NPFF: variants seen among roughly 807,000 people sequenced by gnomAD.
NPFF encodes neuropeptide FF-amide peptide precursor.
Under a neutral mutation model 12.9 loss-of-function variants are expected in NPFF, and 14 were observed. That is an observed-to-expected ratio of 1.09 (90% confidence interval 0.72 to 1.70). The LOEUF is 1.70. NPFF is among the 40% of genes most tolerant of loss of function. The pLI is 0.00. For synonymous variants in NPFF, 56 were observed against 57.3 expected (o/e 0.98, Z 0.10); for missense variants, 140 against 135.7 (o/e 1.03, Z -0.16).
Position 53,506,706 on chromosome 12 carries a change from T to G in NPFF, c.*70A>C. 1 of 1,250,180 alleles carries G rather than the reference T, an allele frequency of 8.0e-7. No homozygotes were observed. Among genetic ancestry groups the G allele is most frequent in the South Asian group, 1.5e-5 (1 of 67,426 alleles). 77.4% of individuals were successfully genotyped at this position (1,250,180 alleles called of 1,614,324 possible). ...ACATGGATTCAGAAGCCAGACAATTTTATTTGGGGGGCAAACATTGACACT... is the reference window on the plus strand; with the variant it reads ...ACATGGATTCAGAAGCCAGACAATTGTATTTGGGGGGCAAACATTGACACT... On this transcript the variant is annotated 3_prime_UTR_variant, in exon 3 of 3. Transcript: ENST00000267017.
chr12:53,507,477 T>C lies in NPFF; in HGVS notation c.-3A>G. 1.2e-6 allele frequency: 2 copies of C among 1,612,504 alleles called. No homozygotes were observed. Among genetic ancestry groups the C allele is most frequent in the East Asian group, 4.5e-5 (2 of 44,864 alleles). ...GCAGCAGCCTGCCTAGAATCCATGC[T>C]GCCACCTACCCTCCTACAGCCACCC... is the stretch of plus-strand genomic sequence containing the variant. On this transcript the variant is annotated 5_prime_UTR_variant, in exon 1 of 3. Coordinates refer to ENST00000267017, the MANE Select transcript of NPFF (RefSeq NM_003717.4).
Position 53,507,028 on chromosome 12 carries a change from G to T in NPFF, c.217C>A (p.Pro73Thr). The change falls in exon 2 of 3, where the codon CCC becomes ACC. Residue 73 changes from proline to threonine, a missense_variant. Physicochemically the swap from Pro to Thr is conservative, Grantham distance 38. Coordinates refer to ENST00000267017, the MANE Select transcript of NPFF (RefSeq NM_003717.4). ...PGRSQAFLFQ[P>T]QRFGRNTQGS... The stretch of plus-strand genomic sequence containing the variant: ...TGTCCCTTTCAGACTCACCTCTGGG[G>T]CTGAAACAGGAAGGCTTGGCTCCGG... 6.2e-7 allele frequency: 1 copy of T among 1,613,568 alleles called. No individual in the cohort carries two copies.
Position 53,507,366 on chromosome 12 carries a change from C to T in NPFF, c.102+7G>A. ...AATGGTGATATGGGGATGGGACACA[C>T]ACTCACCGCGGAGAGCTGGTCTTCC... On this transcript the variant is annotated splice_region_variant and intron_variant, in intron 1 of 2. Coordinates refer to ENST00000267017, the MANE Select transcript of NPFF (RefSeq NM_003717.4). 1.2e-6 allele frequency: 2 copies of T among 1,614,038 alleles called. No individual in the cohort carries two copies. The highest frequency in any genetic ancestry group is 1.6e-4 in the Middle Eastern group (1 of 6,062).
intron 2 of NPFF, 31 bp downstream of exon 2, chr12:53,506,990 C>T (rs1193974814): frequency 6.2e-7 from 1 of 1,604,904 alleles, no homozygotes; most frequent in Non-Finnish European, 8.5e-7. Context: ...ACCCCCAGCC[C>T]CTGCCATGCT....
Position 53,506,818 on chromosome 12 carries a change from CTG to C in NPFF, c.298_299del (p.Gln100ValfsTer?). 1 of 1,598,192 alleles carries C rather than the reference CTG, an allele frequency of 6.3e-7. No homozygotes were observed. The highest frequency in any genetic ancestry group is 8.5e-7 in the Non-Finnish European group (1 of 1,172,520). On this transcript the variant is annotated frameshift_variant, in exon 3 of 3. Coordinates refer to ENST00000267017, the MANE Select transcript of NPFF (RefSeq NM_003717.4). LOFTEE classifies it high-confidence loss of function. Reference sequence around the variant, plus strand: ...GTTGAGGGGCAGCCAGGCTCCAGAACTGGGAATTCAGCCCCTCTCCAGCCCGG... The same window carrying C: ...GTTGAGGGGCAGCCAGGCTCCAGAACGGAATTCAGCCCCTCTCCAGCCCGG... ...SPRAGEGLNS[Q>X]FWSLAAPQRF...
intron 2 of NPFF, 54 bp from the exon 3 acceptor site, chr12:53,506,947 C>T: frequency 6.3e-7 from 1 of 1,585,172 alleles, no homozygotes; most frequent in East Asian, 2.2e-5. Flanking sequence ...TAGCCCCCTT[C>T]CTTCTCCTCT....
rs1369271761 is a variant in NPFF, at chr12:53,506,822, G to A, written c.296C>T (p.Ser99Phe). Reference sequence around the variant, plus strand: ...AGGGGCAGCCAGGCTCCAGAACTGGGAATTCAGCCCCTCTCCAGCCCGGGG... The same window carrying A: ...AGGGGCAGCCAGGCTCCAGAACTGGAAATTCAGCCCCTCTCCAGCCCGGGG... ...LSPRAGEGLN[S>F]QFWSLAAPQR... Residue 99 changes from serine to phenylalanine, a missense_variant, in exon 3 of 3, where the codon TCC (serine) becomes TTC (phenylalanine). Transcript: ENST00000267017. The A allele has an allele frequency of 5.0e-6, 8 of 1,599,516 alleles. No homozygotes were observed. Among genetic ancestry groups the A allele is most frequent in the African/African-American group, 1.3e-5 (1 of 74,470 alleles).
At chr12:53,506,959 C>T in intron 2 of NPFF, 62 bp downstream of exon 2, 2 of 1,589,950 alleles carry the variant, frequency 1.3e-6, no homozygotes, top group South Asian at 2.2e-5. Flanking sequence ...TTCTCCTCTT[C>T]CTCTGCCTCC....
chr12:53,507,220 T>C, intron 1 of NPFF, 78 bp from the exon 2 acceptor site: 5 of 1,587,600 alleles, frequency 3.1e-6, no homozygotes, highest in Non-Finnish European at 3.4e-6. Flanking sequence ...GGGACTGGCT[T>C]CCAGGGGCAA....
rs776453639 is a variant in NPFF, at chr12:53,507,023, CTG to C, written c.220_221del (p.Gln74GlufsTer13). 12 of 1,613,518 alleles carry C rather than the reference CTG, an allele frequency of 7.4e-6. No homozygotes were observed. In the East Asian group the frequency reaches 1.3e-4, roughly 18 times the overall value. On this transcript the variant is annotated frameshift_variant, in exon 2 of 3. Transcript: ENST00000267017. LOFTEE classifies it high-confidence loss of function. ...GRSQAFLFQP[Q>X]RFGRNTQGSW... ...GCTTGTGTCCCTTTCAGACTCACCTCTGGGGCTGAAACAGGAAGGCTTGGCTC... is the reference window on the plus strand; with the variant it reads ...GCTTGTGTCCCTTTCAGACTCACCTCGGGCTGAAACAGGAAGGCTTGGCTC...
chr12:53,507,085 G>T lies in NPFF; in HGVS notation c.160C>A (p.His54Asn). Reference sequence around the variant, plus strand: ...CTCTCCATTGCCTGGAGCAGGTAGTGCAACAGTGACCCAGAGGTCTGGGCA... The same window carrying T: ...CTCTCCATTGCCTGGAGCAGGTAGTTCAACAGTGACCCAGAGGTCTGGGCA... ...QDAQTSGSLLHYLLQAMERPG... is the reference protein window; with the variant it reads ...QDAQTSGSLLNYLLQAMERPG... The change falls in exon 2 of 3, where the codon CAC becomes AAC. Residue 54 changes from histidine to asparagine, a missense_variant. His to Asn is a moderately conservative substitution (Grantham distance 68). Transcript: ENST00000267017. 1 of 1,614,110 alleles carries T rather than the reference G, an allele frequency of 6.2e-7. No homozygotes were observed. Among genetic ancestry groups the T allele is most frequent in the Non-Finnish European group, 8.5e-7 (1 of 1,180,020 alleles).
Position 53,506,764 on chromosome 12 carries a change from A to AG in NPFF, c.*11dup. 1 of 1,511,580 alleles carries AG rather than the reference A, an allele frequency of 6.6e-7. No homozygotes were observed. Among genetic ancestry groups the AG allele is most frequent in the East Asian group, 2.3e-5 (1 of 44,112 alleles). 93.6% of individuals were successfully genotyped at this position (1,511,580 alleles called of 1,614,324 possible). On this transcript the variant is annotated 3_prime_UTR_variant, in exon 3 of 3. Transcript: ENST00000267017. ...GTGGACCTTGCATGCAGACATATCA[A>AG]GGGATGACATGTCACTTCTTCCCAA...
rs1006466788 is a variant in NPFF at position 53,507,317 on chromosome 12, A to C, written c.102+56T>G. 3.0e-5 allele frequency: 49 copies of C among 1,610,112 alleles called. 1 individual carries two copies. In the South Asian group the frequency reaches 3.1e-4, roughly 10 times the overall value. On this transcript the variant is annotated intron_variant, in intron 1 of 2. Transcript: ENST00000267017. ...CAGAGAAAGTATCAGAACCTAGAGC[A>C]CAAGTCTCAACCGAAGTAGAGGCAA...
In NPFF at chr12:53,507,132, C is replaced by G; in HGVS notation, c.113G>C (p.Ser38Thr). 6.2e-7 allele frequency: 1 copy of G among 1,613,904 alleles called. No individual in the cohort carries two copies. Among genetic ancestry groups the G allele is most frequent in the Non-Finnish European group, 8.5e-7 (1 of 1,179,906 alleles). The change falls in exon 2 of 3, where the codon AGC (serine) becomes ACC (threonine). Residue 38 changes from serine to threonine, a missense_variant. Ser to Thr is a moderately conservative substitution (Grantham distance 58). Coordinates refer to ENST00000267017, the MANE Select transcript of NPFF (RefSeq NM_003717.4). ...QEDQLSAEED[S>T]EPLPPQDAQT... ...GGCATCCTGTGGTGGGAGGGGTTCGCTGTCTTCCTCCTGTGCCAAGGGGGT... is the reference window on the plus strand; with the variant it reads ...GGCATCCTGTGGTGGGAGGGGTTCGGTGTCTTCCTCCTGTGCCAAGGGGGT...
rs540868190 is a variant in NPFF at position 53,506,743 on chromosome 12, AC to A, written c.*32del. 266 of 1,442,534 alleles carry A rather than the reference AC, an allele frequency of 1.8e-4. No homozygotes were observed. In the African/African-American group the frequency reaches 3.6e-3, roughly 19 times the overall value. 89.4% of individuals were successfully genotyped at this position (1,442,534 alleles called of 1,614,324 possible). ...CAAACATTGACACTTTTGGGTGTGG[AC>A]CTTGCATGCAGACATATCAAGGGAT... On this transcript the variant is annotated 3_prime_UTR_variant, in exon 3 of 3. Coordinates refer to ENST00000267017, the MANE Select transcript of NPFF (RefSeq NM_003717.4).
At chr12:53,507,278 A>G (rs2137278975) in intron 1 of NPFF, 95 bp downstream of exon 1, 2 of 1,595,734 alleles carry the variant, frequency 1.3e-6, no homozygotes, top group South Asian at 2.2e-5. Context: ...GGACCTAATG[A>G]CAACCTTGGC....
rs775591823 is a variant in NPFF, at chr12:53,507,369, T to A, written c.102+4A>T. 48 of 1,613,778 alleles carry A rather than the reference T, an allele frequency of 3.0e-5. No homozygotes were observed. Among genetic ancestry groups the A allele is most frequent in the South Asian group, 1.4e-4 (13 of 91,082 alleles). ...GGTGATATGGGGATGGGACACACAC[T>A]CACCGCGGAGAGCTGGTCTTCCTGC... On this transcript the variant is annotated splice_donor_region_variant and intron_variant, in intron 1 of 2. Coordinates refer to ENST00000267017, the MANE Select transcript of NPFF (RefSeq NM_003717.4).
At position 53,506,711 on chromosome 12, in the gene NPFF, TG is replaced by T; in HGVS notation, c.*64del. The T allele has an allele frequency of 7.9e-7, 1 of 1,260,546 alleles. No homozygotes were observed. Among genetic ancestry groups the T allele is most frequent in the Non-Finnish European group, 1.1e-6 (1 of 905,954 alleles). 78.1% of individuals were successfully genotyped at this position (1,260,546 alleles called of 1,614,324 possible). On this transcript the variant is annotated 3_prime_UTR_variant, in exon 3 of 3. Transcript: ENST00000267017. ...GATTCAGAAGCCAGACAATTTTATT[TG>T]GGGGGCAAACATTGACACTTTTGGG...
chr12:53,507,372 C>A lies in NPFF; in HGVS notation c.102+1G>T. 1 of 1,614,070 alleles carries A rather than the reference C, an allele frequency of 6.2e-7. No individual in the cohort carries two copies. The highest frequency in any genetic ancestry group is 1.1e-5 in the South Asian group (1 of 91,088). ...GATATGGGGATGGGACACACACTCA[C>A]CGCGGAGAGCTGGTCTTCCTGCTGG... On this transcript the variant is annotated splice_donor_variant, in intron 1 of 2. Coordinates refer to ENST00000267017, the MANE Select transcript of NPFF (RefSeq NM_003717.4). LOFTEE classifies it high-confidence loss of function.
Sources: gnomAD v4.1 joint callset for allele counts on GRCh38, gnomAD v4.1.1 for gene constraint, MANE v1.5 for transcripts, NCBI Gene and HGNC (gene_info 2026-07-23, HGNC 2026-07-21) for gene names.